The following ADAMTSL1 variants were observed in gnomAD, a reference collection of about 807,000 sequenced individuals.
ADAMTSL1 encodes ADAMTS-like protein 1.
A neutral mutation model predicts 201.8 loss-of-function variants in ADAMTSL1; 126 were observed. The ratio of observed to expected loss-of-function variants is 0.62; its 90% CI spans 0.54 to 0.72. ADAMTSL1 has a LOEUF of 0.72. Among genes scored for constraint, ADAMTSL1 ranks in the 30% least tolerant of loss-of-function variants. ADAMTSL1 has a pLI of 0.00. For synonymous variants in ADAMTSL1, 1,121 were observed against 903.4 expected (o/e 1.24, Z -4.32); for missense variants, 2,679 against 2,277.8 (o/e 1.18, Z -3.59).
chr9:18,780,358 T>C lies in ADAMTSL1; in HGVS notation c.3677+2452T>C, dbSNP rs141930938. 3.9e-3 allele frequency among the ~76,000 whole-genome samples: 587 copies of C among 152,314 alleles called. 1 individual carries two copies. Among genetic ancestry groups the C allele is most frequent in the African/African-American group, 0.014 (563 of 41,558 alleles). On this transcript the variant is annotated intron_variant, in intron 19 of 28. Coordinates refer to ENST00000380548, the MANE Select transcript of ADAMTSL1 (RefSeq NM_001040272.6). ...CGGAAGGTTAAAACTCATATGCTGA[T>C]GGGAGAACCTTGACCACAGTAACTT...
chr9:18,343,871 A>G (rs1272721842), intron 2 of ADAMTSL1, among the ~76,000 whole-genome samples: 3 of 152,114 alleles, frequency 2.0e-5, no homozygotes, highest in Admixed American at 2.0e-4. Flanking sequence ...TTATCAAAAC[A>G]GCTTTATGTC....
intron 24 of ADAMTSL1, among the ~76,000 whole-genome samples, chr9:18,888,346 G>T (rs967187113): frequency 6.6e-6 from 1 of 152,216 alleles, no homozygotes; most frequent in Non-Finnish European, 1.5e-5. Context: ...ATCAAAGTCA[G>T]ATGTGATTCT....
rs1830722795 is a variant in ADAMTSL1, at chr9:18,684,783, T to C, written c.1557T>C (p.Ala519=). The part of the protein sequence containing the change: ...KQAQELEEGA[A]VSEEPSFIPE... ...CTCAAGAGCTAGAAGAAGGAGCTGC[T>C]GTGTCAGAGGAGCCCTCGTAAGTTG... is the stretch of plus-strand genomic sequence containing the variant. The change falls in exon 13 of 29, where the codon GCT becomes GCC. Residue 519 remains alanine (A), a synonymous_variant. Transcript: ENST00000380548. 6.2e-7 allele frequency: 1 copy of C among 1,612,408 alleles called. No individual in the cohort carries two copies. Among genetic ancestry groups the C allele is most frequent in the Admixed American group, 1.7e-5 (1 of 59,852 alleles).
chr9:18,194,524 T>A (rs538811201), intron 2 of ADAMTSL1, among the ~76,000 whole-genome samples: 3 of 152,102 alleles, frequency 2.0e-5, no homozygotes, highest in Non-Finnish European at 4.4e-5. Context: ...TCCAGCTTGA[T>A]GAAGTCATAG....
chr9:18,564,590 C>G (rs1445789862), intron 3 of ADAMTSL1, among the ~76,000 whole-genome samples: 1 of 152,234 alleles, frequency 6.6e-6, no homozygotes, highest in Non-Finnish European at 1.5e-5. Flanking sequence ...CACAACCTGA[C>G]TTTCCACCAC....
At chr9:18,415,515 G>A (rs1158751079) in intron 2 of ADAMTSL1, among the ~76,000 whole-genome samples, 1 of 151,996 alleles carries the variant, frequency 6.6e-6, no homozygotes, top group East Asian at 1.9e-4. Flanking sequence ...TAGAGACATA[G>A]AATTGCAAAA....
chr9:18,527,134 C>G (rs535245275), intron 2 of ADAMTSL1, among the ~76,000 whole-genome samples: 3 of 152,076 alleles, frequency 2.0e-5, no homozygotes, highest in African/African-American at 7.2e-5. Flanking sequence ...CTCAAAAAAG[C>G]AAAAGCAAAA....
At position 18,154,184 on chromosome 9, in the gene ADAMTSL1, C is replaced by T. The variant is rs537440819; in HGVS notation, c.88-9678C>T. Among the ~76,000 whole-genome samples the T allele has an allele frequency of 3.3e-5, 5 of 152,100 alleles. No homozygotes were observed. The South Asian group carries it at 8.3e-4, about 25-fold the overall frequency. ...GGTTATGAAGATGAATTTTTCCTTT[C>T]CCACTTCAACATATGCTACCATGGT... is the stretch of plus-strand genomic sequence containing the variant. On this transcript the variant is annotated intron_variant, in intron 1 of 29. Coordinates refer to the ADAMTSL1 transcript ENST00000680146.
Position 18,905,870 on chromosome 9 carries a change from A to G in ADAMTSL1, c.4940A>G (p.Glu1647Gly). The G allele has an allele frequency of 6.2e-7, 1 of 1,612,704 alleles. No homozygotes were observed. The highest frequency in any genetic ancestry group is 8.5e-7 in the Non-Finnish European group (1 of 1,179,292). Residue 1647 changes from glutamate to glycine, a missense_variant, in exon 27 of 29, where the codon GAG becomes GGG. Transcript: ENST00000380548. ...QTRDGITLPS[E>G]QCSALPRPVS... ...CGGGATGGCATCACCTTACCATCAG[A>G]GCAGTGCAGTGCTCTTCCGAGGTAA...
chr9:18,176,664 C>T (rs908062404), intron 2 of ADAMTSL1, among the ~76,000 whole-genome samples: 1 of 152,058 alleles, frequency 6.6e-6, no homozygotes, highest in Non-Finnish European at 1.5e-5. Flanking sequence ...ACTTAACAAC[C>T]ATTTACTGAG....
At chr9:18,450,547 AG>A (rs1178653431) in intron 2 of ADAMTSL1, among the ~76,000 whole-genome samples, 1 of 151,866 alleles carries the variant, frequency 6.6e-6, no homozygotes, top group Non-Finnish European at 1.5e-5. Context: ...TTTTAATTCT[AG>A]GAACCCAGAT....
At chr9:18,167,797 G>T (rs916957269) in intron 2 of ADAMTSL1, among the ~76,000 whole-genome samples, 3 of 152,034 alleles carry the variant, frequency 2.0e-5, no homozygotes, top group African/African-American at 7.2e-5. Context: ...AATTTAATTT[G>T]CTTAATTATA....
chr9:18,605,480 A>G (rs996280481), intron 4 of ADAMTSL1, among the ~76,000 whole-genome samples: 4 of 152,340 alleles, frequency 2.6e-5, no homozygotes, highest in East Asian at 3.9e-4. Context: ...CAGGCATGCA[A>G]TCTTGACAGT....
intron 7 of ADAMTSL1, among the ~76,000 whole-genome samples, chr9:18,647,343 T>C (rs1160999682): frequency 4.9e-5 from 7 of 144,088 alleles, no homozygotes; most frequent in Non-Finnish European, 9.0e-5. Context: ...AACCAGCTCC[T>C]GGATTCATTA....
At chr9:18,621,387 C>G (rs1359280905) in intron 4 of ADAMTSL1, among the ~76,000 whole-genome samples, 1 of 152,130 alleles carries the variant, frequency 6.6e-6, no homozygotes, top group African/African-American at 2.4e-5. Flanking sequence ...AGCTAAGTGA[C>G]CTTGGGTAAG....
At chr9:18,579,496 T>G in intron 4 of ADAMTSL1, among the ~76,000 whole-genome samples, 1 of 151,384 alleles carries the variant, frequency 6.6e-6, no homozygotes, top group East Asian at 1.9e-4. Context: ...AAAGTATAAT[T>G]AAAAAATAAA....
At chr9:18,244,170 T>A (rs1191691338) in intron 2 of ADAMTSL1, among the ~76,000 whole-genome samples, 1 of 151,560 alleles carries the variant, frequency 6.6e-6, no homozygotes, top group Admixed American at 6.6e-5. Context: ...TGAGAAGAAA[T>A]CAGATGTTGC....
chr9:18,380,151 C>G (rs539728159), intron 2 of ADAMTSL1, among the ~76,000 whole-genome samples: 2 of 152,268 alleles, frequency 1.3e-5, no homozygotes, highest in East Asian at 3.9e-4. Flanking sequence ...ATTTTAACAG[C>G]CTTTCCTCCA....
chr9:17,934,012 T>G (rs1826904625), intron 1 of ADAMTSL1, among the ~76,000 whole-genome samples: 1 of 152,170 alleles, frequency 6.6e-6, no homozygotes, highest in Non-Finnish European at 1.5e-5. Flanking sequence ...CTTTACGGTA[T>G]TAACTTATCT....
Sources: gnomAD v4.1 joint callset for allele counts (sites outside exome capture counted in the v4.1 genomes callset) on GRCh38, gnomAD v4.1.1 for gene constraint, MANE v1.5 for transcripts, NCBI Gene and HGNC (gene_info 2026-07-23, HGNC 2026-07-21) for gene names.